ERC2: variants seen among roughly 807,000 people sequenced by gnomAD.
The protein encoded by ERC2 is ELKS/RAB6-interacting/CAST family member 2.
Under a neutral mutation model 114.8 loss-of-function variants are expected in ERC2, and 42 were observed. The ratio of observed to expected loss-of-function variants is 0.37; its 90% CI spans 0.29 to 0.47. The LOEUF (loss-of-function observed/expected upper bound fraction) is 0.47, where lower values mean the gene tolerates loss of function less well. ERC2 is among the 20% of genes least tolerant of loss of function. The pLI is 0.99. For synonymous variants in ERC2, 454 were observed against 425.5 expected (o/e 1.07, Z -0.82); for missense variants, 939 against 1,150.7 (o/e 0.82, Z 2.66).
At chr3:56,365,468 T>G (rs1482924349) in intron 2 of ERC2, among the ~76,000 whole-genome samples, 2 of 152,236 alleles carry the variant, frequency 1.3e-5, no homozygotes, top group African/African-American at 4.8e-5. Context: ...CAAAATCAGC[T>G]AACAACACGT....
intron 17 of ERC2, among the ~76,000 whole-genome samples, chr3:55,563,714 G>A (rs1319968890): frequency 1.3e-5 from 2 of 152,200 alleles, no homozygotes; most frequent in East Asian, 1.9e-4. Context: ...AGTCCAACAT[G>A]CAGAGAGAAG....
intron 17 of ERC2, among the ~76,000 whole-genome samples, chr3:55,533,607 G>T (rs967106930): frequency 1.3e-5 from 2 of 152,186 alleles, no homozygotes; most frequent in African/African-American, 2.4e-5. Flanking sequence ...AGAAAGGAAG[G>T]TGATGGGGTG....
chr3:55,630,140 A>G (rs892357395), intron 17 of ERC2, among the ~76,000 whole-genome samples: 5 of 152,208 alleles, frequency 3.3e-5, no homozygotes, highest in Non-Finnish European at 5.9e-5. Flanking sequence ...CTCCTAAAGC[A>G]TACTATCAGA....
chr3:55,654,819 T>C (rs1437861251), intron 17 of ERC2, among the ~76,000 whole-genome samples: 2 of 152,220 alleles, frequency 1.3e-5, no homozygotes, highest in East Asian at 3.8e-4. Context: ...GATGGATGTT[T>C]TGGACATTTA....
intron 2 of ERC2, among the ~76,000 whole-genome samples, chr3:56,321,655 T>C (rs1164080665): frequency 3.9e-5 from 6 of 152,254 alleles, no homozygotes; most frequent in East Asian, 3.8e-4. Flanking sequence ...TATAAGTTTG[T>C]TGGCTGCTTC....
chr3:56,095,480 T>C (rs1047255349), intron 6 of ERC2, among the ~76,000 whole-genome samples: 8 of 152,212 alleles, frequency 5.3e-5, no homozygotes, highest in South Asian at 2.1e-4. Flanking sequence ...CCAGTATGTC[T>C]AACATGTTTC....
intron 3 of ERC2, among the ~76,000 whole-genome samples, chr3:56,283,828 T>C (rs910870620): frequency 2.0e-5 from 3 of 152,160 alleles, no homozygotes; most frequent in South Asian, 4.1e-4. Flanking sequence ...CAGATAAACC[T>C]AAAAGAAATT....
chr3:56,095,163 G>A (rs1458811484), intron 6 of ERC2, among the ~76,000 whole-genome samples: 1 of 152,142 alleles, frequency 6.6e-6, no homozygotes, highest in African/African-American at 2.4e-5. Context: ...GCTGAGGCAG[G>A]AGGCTGCAGT....
At chr3:55,703,005 C>T (rs887407983) in intron 15 of ERC2, among the ~76,000 whole-genome samples, 1 of 152,206 alleles carries the variant, frequency 6.6e-6, no homozygotes, top group Non-Finnish European at 1.5e-5. Flanking sequence ...CTGTGTTATA[C>T]TCTTTTTACT....
At chr3:55,769,420 C>A (rs566187705) in intron 14 of ERC2, among the ~76,000 whole-genome samples, 1 of 151,902 alleles carries the variant, frequency 6.6e-6, no homozygotes, top group East Asian at 2.0e-4. Flanking sequence ...TATTTCTGAG[C>A]ACATCTTAGG....
At chr3:56,412,764 T>C (rs2060991622) in intron 2 of ERC2, among the ~76,000 whole-genome samples, 1 of 152,178 alleles carries the variant, frequency 6.6e-6, no homozygotes, top group Non-Finnish European at 1.5e-5. Flanking sequence ...AAGGAGCAAG[T>C]AAGTCAATAC....
intron 6 of ERC2, among the ~76,000 whole-genome samples, chr3:56,094,927 G>T (rs908329213): frequency 6.6e-6 from 1 of 152,182 alleles, no homozygotes; most frequent in African/African-American, 2.4e-5. Context: ...CTAATAAAGA[G>T]TTAGATGTAA....
intron 10 of ERC2, chr3:56,002,953 A>G: frequency 1.9e-6 from 1 of 527,616 alleles, no homozygotes; most frequent in Non-Finnish European, 3.3e-6. Context: ...CAGTGGCCTC[A>G]GCACAGATCA....
chr3:56,266,200 G>T (rs542563813), intron 3 of ERC2, among the ~76,000 whole-genome samples: 7 of 136,752 alleles, frequency 5.1e-5, no homozygotes, highest in Non-Finnish European at 9.2e-5. Context: ...GCACAATCTC[G>T]GCTCACTGCA....
intron 17 of ERC2, among the ~76,000 whole-genome samples, chr3:55,593,691 A>G (rs936304991): frequency 2.0e-5 from 3 of 151,998 alleles, no homozygotes; most frequent in Admixed American, 1.3e-4. Context: ...TTATGGGCCA[A>G]TGAATTCCTC....
intron 17 of ERC2, among the ~76,000 whole-genome samples, chr3:55,554,678 T>G (rs945118415): frequency 3.3e-5 from 5 of 152,208 alleles, no homozygotes; most frequent in African/African-American, 1.2e-4. Flanking sequence ...TTCAGAGTCC[T>G]CTCTGCTGCT....
rs188097814 is a variant in ERC2, at chr3:55,730,618, C to T, written c.2712+4153G>A. Among the ~76,000 whole-genome samples the T allele has an allele frequency of 1.4e-4, 21 of 152,330 alleles. 1 individual carries two copies. In the East Asian group the frequency reaches 3.5e-3, roughly 25 times the overall value. Reference sequence around the variant, plus strand: ...AGGCAGTGTGGCTCACACCCGTAATCCCAGCACTTTGGGAGGCCGAGGTGG... The same window carrying T: ...AGGCAGTGTGGCTCACACCCGTAATTCCAGCACTTTGGGAGGCCGAGGTGG... On this transcript the variant is annotated intron_variant, in intron 15 of 17. Coordinates refer to ENST00000288221, the MANE Select transcript of ERC2 (RefSeq NM_015576.3).
intron 7 of ERC2, among the ~76,000 whole-genome samples, chr3:56,051,201 C>G (rs1413074902): frequency 1.3e-5 from 2 of 152,144 alleles, no homozygotes; most frequent in Non-Finnish European, 2.9e-5. Context: ...TTCATACATT[C>G]AATAAGAGAC....
At chr3:55,918,545 G>T (rs184799545) in intron 13 of ERC2, among the ~76,000 whole-genome samples, 1 of 151,886 alleles carries the variant, frequency 6.6e-6, no homozygotes, top group Non-Finnish European at 1.5e-5. Flanking sequence ...CTTAAATCTG[G>T]GCTGGCCTTG....
Sources: allele counts gnomAD v4.1 joint callset (sites outside exome capture counted in the v4.1 genomes callset), GRCh38; gene constraint gnomAD v4.1.1; transcripts MANE v1.5; gene names NCBI Gene and HGNC (gene_info 2026-07-23, HGNC 2026-07-21).